Variants in GALK2 observed in about 807,000 individuals in gnomAD.
The protein encoded by GALK2 is galactokinase 2.
A neutral mutation model predicts 52.4 loss-of-function variants in GALK2; 36 were observed. That is an observed-to-expected ratio of 0.69 (90% CI 0.53 to 0.91). The LOEUF (loss-of-function observed/expected upper bound fraction) is 0.91. GALK2 is among the 40% of genes least tolerant of loss of function. GALK2 has a pLI of 0.00. For synonymous variants in GALK2, 176 were observed against 199.1 expected (o/e 0.88, Z 0.98); for missense variants, 579 against 559.1 (o/e 1.04, Z -0.36).
chr15:49,342,558 T>C lies in GALK2; in HGVS notation c.426+22753T>C, dbSNP rs550168543. ...AAGGTTATAATTAATATGTGAGGCTTTGGTGCTATCGTGAAGTTGTTAGCT... is the reference window on the plus strand; with the variant it reads ...AAGGTTATAATTAATATGTGAGGCTCTGGTGCTATCGTGAAGTTGTTAGCT... On this transcript the variant is annotated intron_variant, in intron 3 of 3. Coordinates refer to the GALK2 transcript ENST00000558399. 2.0e-5 allele frequency among the ~76,000 whole-genome samples: 3 copies of C among 152,338 alleles called. No homozygotes were observed. The East Asian group carries it at 5.8e-4, about 29-fold the overall frequency.
At chr15:49,261,812 T>C (rs1339387050) in intron 5 of GALK2, among the ~76,000 whole-genome samples, 1 of 152,180 alleles carries the variant, frequency 6.6e-6, no homozygotes, top group African/African-American at 2.4e-5. Context: ...TTTTTCTGCA[T>C]CTATTGAGAT....
intron 1 of GALK2, among the ~76,000 whole-genome samples, chr15:49,171,263 T>A (rs1022634163): frequency 6.6e-6 from 1 of 151,944 alleles, no homozygotes; most frequent in Non-Finnish European, 1.5e-5. Context: ...TGTATTTTCA[T>A]CAGAGATGGG....
Position 49,283,704 on chromosome 15 carries a change from C to T in GALK2, c.742C>T (p.Arg248Trp), listed in dbSNP as rs370443921. ...TTTCAATATCAGGGTGATGGAGTGT[C>T]GGCTGGCTGCGAAGGTATGAACTTG... is the stretch of plus-strand genomic sequence containing the variant. ...SHFNIRVMEC[R>W]LAAKLLAKYK... Residue 248 changes from arginine to tryptophan, a missense_variant, in exon 7 of 10, where the codon CGG (arginine) becomes TGG (tryptophan). By Grantham distance (101) the Arg-to-Trp change is moderately radical. Coordinates refer to ENST00000560031, the MANE Select transcript of GALK2 (RefSeq NM_002044.4). 67 of 1,613,674 alleles carry T rather than the reference C, an allele frequency of 4.2e-5. No individual in the cohort carries two copies. Among genetic ancestry groups the T allele is most frequent in the South Asian group, 7.7e-5 (7 of 91,016 alleles).
chr15:49,203,141 C>T (rs1181012689), intron 2 of GALK2, among the ~76,000 whole-genome samples: 1 of 152,168 alleles, frequency 6.6e-6, no homozygotes, highest in Admixed American at 6.5e-5. Context: ...ACCTCCACCT[C>T]CTGGGTTCGA....
rs1025043731 is a variant in GALK2, at chr15:49,212,860, G to A, written c.143-4330G>A. Among the ~76,000 whole-genome samples, 9 of 152,230 alleles carry A rather than the reference G, an allele frequency of 5.9e-5. 1 individual carries two copies. Among genetic ancestry groups the A allele is most frequent in the African/African-American group, 2.2e-4 (9 of 41,536 alleles). On this transcript the variant is annotated intron_variant, in intron 2 of 9. Transcript: ENST00000560031. ...ATTTTATTTCATTATGATCAGAGAA[G>A]TTACTTGATATTATTTTAACTTTTT...
In GALK2 at chr15:49,217,175, T is replaced by C; in HGVS notation, c.143-15T>C. On this transcript the variant is annotated splice_polypyrimidine_tract_variant and intron_variant, in intron 2 of 9. Transcript: ENST00000560031. ...TATATTAGCAATGATTAAAAAAGCT[T>C]TCTCTTTTTTCTAGGAGAGCATATA... is the stretch of plus-strand genomic sequence containing the variant. 6.3e-7 allele frequency: 1 copy of C among 1,599,718 alleles called. No homozygotes were observed. The highest frequency in any genetic ancestry group is 8.5e-7 in the Non-Finnish European group (1 of 1,171,166).
At chr15:49,262,323 C>G (rs1052485860) in intron 5 of GALK2, among the ~76,000 whole-genome samples, 37 of 152,244 alleles carry the variant, frequency 2.4e-4, no homozygotes, top group African/African-American at 8.4e-4. Flanking sequence ...AGGAATTTAT[C>G]CATTTCTTCT....
chr15:49,212,190 T>G (rs545214538), intron 2 of GALK2, among the ~76,000 whole-genome samples: 8 of 152,298 alleles, frequency 5.3e-5, no homozygotes, highest in African/African-American at 1.9e-4. Context: ...CCTCTCAGAT[T>G]CAAGTGATTG....
exon 1 of GALK2, chr15:49,155,864 C>T: frequency 1.0e-6 from 1 of 999,196 alleles, no homozygotes; most frequent in Non-Finnish European, 1.5e-6. Flanking sequence ...AAACTGCGCT[C>T]GCATCGAGCA....
At chr15:49,284,689 T>C (rs1056690127) in intron 7 of GALK2, among the ~76,000 whole-genome samples, 1 of 152,202 alleles carries the variant, frequency 6.6e-6, no homozygotes, top group Non-Finnish European at 1.5e-5. Context: ...CCTTCTTTAC[T>C]TCTCTCAAAT....
At chr15:49,158,340 C>T (rs1416974331) in intron 1 of GALK2, among the ~76,000 whole-genome samples, 1 of 152,176 alleles carries the variant, frequency 6.6e-6, no homozygotes, top group East Asian at 1.9e-4. Context: ...AATTTGTAAG[C>T]ATGTCTTTGA....
chr15:49,294,184 T>TAAGC (rs1555427007), intron 8 of GALK2, among the ~76,000 whole-genome samples: 57 of 140,622 alleles, frequency 4.1e-4, no homozygotes, highest in African/African-American at 1.1e-3. Context: ...AATAAATAAA[T>TAAGC]AAGCAAGCAA....
intron 5 of GALK2, among the ~76,000 whole-genome samples, chr15:49,244,684 G>A (rs2091261909): frequency 2.0e-5 from 3 of 152,140 alleles, no homozygotes; most frequent in African/African-American, 7.2e-5. Flanking sequence ...TAGGAAATGA[G>A]AAATCCAATA....
At chr15:49,170,423 G>T (rs767367098) in intron 1 of GALK2, 48 bp downstream of exon 1, 1 of 1,546,352 alleles carries the variant, frequency 6.5e-7, no homozygotes, top group Non-Finnish European at 8.8e-7. Context: ...GGTTGGCTAC[G>T]TGTAGATCGG....
intron 1 of GALK2, chr15:49,178,289 A>G (rs1252271195): frequency 1.4e-5 from 2 of 142,772 alleles, no homozygotes; most frequent in African/African-American, 5.1e-5. Flanking sequence ...TGTATATCAT[A>G]TATACATGTA....
At chr15:49,275,959 G>A (rs1037904656) in intron 5 of GALK2, among the ~76,000 whole-genome samples, 1 of 152,178 alleles carries the variant, frequency 6.6e-6, no homozygotes, top group Non-Finnish European at 1.5e-5. Context: ...CACACAAAGG[G>A]CTAAAGTAGC....
At chr15:49,172,799 G>A (rs77813839) in intron 1 of GALK2, among the ~76,000 whole-genome samples, 23,120 of 151,972 alleles carry the variant, frequency 0.15, 2,258 homozygotes, top group Non-Finnish European at 0.21. Flanking sequence ...CACTGTTCTG[G>A]CTTTCTTTGC....
At chr15:49,342,312 T>A (rs1053832206) in intron 3 of GALK2, among the ~76,000 whole-genome samples, 1 of 152,200 alleles carries the variant, frequency 6.6e-6, no homozygotes, top group East Asian at 1.9e-4. Context: ...CTGTTGTTGG[T>A]TTAAAGTCTG....
At chr15:49,354,140 G>C (rs2151325417) in intron 3 of GALK2, 1 of 152,224 alleles carries the variant, frequency 6.6e-6, no homozygotes, top group African/African-American at 2.4e-5. Flanking sequence ...TTTTATGCTA[G>C]GATAAATGCT....
Sources: allele counts gnomAD v4.1 joint callset (sites outside exome capture counted in the v4.1 genomes callset), GRCh38; gene constraint gnomAD v4.1.1; transcripts MANE v1.5; gene names NCBI Gene and HGNC (gene_info 2026-07-23, HGNC 2026-07-21).